The following DOCK8 variants were observed in gnomAD, a reference collection of about 807,000 sequenced individuals.
DOCK8 encodes the protein dedicator of cytokinesis 8.
A neutral mutation model predicts 245.6 loss-of-function variants in DOCK8; 141 were observed. The observed-to-expected ratio is 0.57, with a 90% CI of 0.50 to 0.66. The LOEUF is 0.66. Ranked by LOEUF, DOCK8 falls within the 30% of genes least tolerant of loss-of-function variation. The pLI, the probability that DOCK8 is intolerant of heterozygous loss-of-function variation, is 0.00. For synonymous variants in DOCK8, 1,168 were observed against 970.2 expected (o/e 1.20, Z -3.79); for missense variants, 2,965 against 2,603.4 (o/e 1.14, Z -3.02).
intron 33 of DOCK8, among the ~76,000 whole-genome samples, chr9:426,517 A>G (rs79864620): frequency 0.03 from 4,537 of 152,292 alleles, 88 homozygotes; most frequent in Middle Eastern, 0.048. Flanking sequence ...AGATCTAGCA[A>G]TGGTTTTCAT....
intron 1 of DOCK8, among the ~76,000 whole-genome samples, chr9:267,540 C>A (rs995193922): frequency 2.0e-5 from 3 of 152,176 alleles, no homozygotes; most frequent in Non-Finnish European, 2.9e-5. Context: ...ACTTACATAA[C>A]TTCACAGGAG....
chr9:257,543 CAG>C (rs1299000191), intron 1 of DOCK8, among the ~76,000 whole-genome samples: 5 of 152,010 alleles, frequency 3.3e-5, no homozygotes, highest in Non-Finnish European at 5.9e-5. Flanking sequence ...TTTTTTGAGA[CAG>C]AGTCTCACTC....
intron 14 of DOCK8, among the ~76,000 whole-genome samples, chr9:346,164 A>G (rs1388448183): frequency 6.6e-6 from 1 of 152,080 alleles, no homozygotes; most frequent in Non-Finnish European, 1.5e-5. Flanking sequence ...GAACAGCTGG[A>G]AAAACTGAGC....
chr9:248,761 G>C (rs988017026), intron 1 of DOCK8, among the ~76,000 whole-genome samples: 3 of 152,144 alleles, frequency 2.0e-5, no homozygotes, highest in African/African-American at 4.8e-5. Context: ...TAAGTACTTG[G>C]TGGGTTATTG....
chr9:344,223 A>G (rs1301494228), intron 14 of DOCK8, among the ~76,000 whole-genome samples: 1 of 152,144 alleles, frequency 6.6e-6, no homozygotes, highest in African/African-American at 2.4e-5. Context: ...CTCTTGGCTC[A>G]CAGTTCTTCT....
intron 35 of DOCK8, 96 bp from the exon 36 acceptor site, chr9:429,606 T>C: frequency 6.8e-7 from 1 of 1,469,852 alleles, no homozygotes; most frequent in Non-Finnish European, 9.5e-7. Flanking sequence ...CTTCTAGGCT[T>C]TTTGCTTGTC....
intron 1 of DOCK8, among the ~76,000 whole-genome samples, chr9:246,051 C>T (rs971369007): frequency 3.9e-5 from 6 of 152,132 alleles, no homozygotes; most frequent in Non-Finnish European, 7.3e-5. Flanking sequence ...GAAACCTAGT[C>T]TCTACTAAAA....
intron 1 of DOCK8, among the ~76,000 whole-genome samples, chr9:248,015 C>T (rs979845636): frequency 4.1e-5 from 6 of 147,854 alleles, no homozygotes; most frequent in Non-Finnish European, 5.9e-5. Context: ...GTTGAGTAAA[C>T]AAGCTGAGCA....
chr9:333,402 C>T (rs371468693), intron 10 of DOCK8, among the ~76,000 whole-genome samples: 401 of 152,240 alleles, frequency 2.6e-3, no homozygotes, highest in African/African-American at 6.7e-3. Flanking sequence ...AAGATTGAGA[C>T]CATCCTGGCC....
intron 46 of DOCK8, among the ~76,000 whole-genome samples, chr9:461,498 C>A (rs1200803474): frequency 6.9e-6 from 1 of 144,486 alleles, no homozygotes; most frequent in Non-Finnish European, 1.5e-5. Context: ...TTAACCTTTC[C>A]ATTGAGTTTT....
At chr9:349,235 T>G (rs1323257803) in intron 14 of DOCK8, among the ~76,000 whole-genome samples, 1 of 152,224 alleles carries the variant, frequency 6.6e-6, no homozygotes, top group Non-Finnish European at 1.5e-5. Context: ...ATTCATCAGA[T>G]GTCATGTGTC....
intron 1 of DOCK8, among the ~76,000 whole-genome samples, chr9:227,377 G>C (rs2047012987): frequency 6.6e-6 from 1 of 152,168 alleles, no homozygotes; most frequent in Non-Finnish European, 1.5e-5. Flanking sequence ...CCCGATGGGA[G>C]GATTTTACTT....
intron 11 of DOCK8, 33 bp downstream of exon 11, chr9:334,417 G>C (rs376121182): frequency 1.4e-5 from 23 of 1,607,346 alleles, no homozygotes; most frequent in Non-Finnish European, 1.8e-5. Context: ...GAAAGGGAGG[G>C]CTCCCCAGTG....
At chr9:219,896 C>A (rs663552) in intron 1 of DOCK8, among the ~76,000 whole-genome samples, 80,557 of 151,264 alleles carry the variant, frequency 0.53, 21,743 homozygotes, top group East Asian at 0.74. Context: ...GACTCTATTT[C>A]AAAAAAAAAG....
intron 4 of DOCK8, among the ~76,000 whole-genome samples, chr9:302,370 AT>A (rs1301121328): frequency 1.3e-5 from 2 of 152,238 alleles, no homozygotes; most frequent in Non-Finnish European, 2.9e-5. Context: ...AAGGACTTAA[AT>A]GTAAGACCTA....
chr9:455,990 A>G (rs889481907), intron 46 of DOCK8, among the ~76,000 whole-genome samples: 1 of 152,196 alleles, frequency 6.6e-6, no homozygotes, highest in African/African-American at 2.4e-5. Flanking sequence ...AAGTCCCAAT[A>G]TCAGTAGGAC....
intron 14 of DOCK8, among the ~76,000 whole-genome samples, chr9:358,435 A>G (rs2052554484): frequency 6.6e-6 from 1 of 152,244 alleles, no homozygotes; most frequent in Admixed American, 6.5e-5. Context: ...TATAGAGGTT[A>G]TATAACAAGG....
In DOCK8 at chr9:215,038, C is replaced by T. The variant is rs765664430; in HGVS notation, c.53+9C>T. On this transcript the variant is annotated intron_variant, in intron 1 of 47. Transcript: ENST00000432829. ...GCGCTCAAGATCAACAGGTAAGACG[C>T]CCCCCGCGGCGCGCAGGTTGCGGCC... is the stretch of plus-strand genomic sequence containing the variant. 3 of 1,572,922 alleles carry T rather than the reference C, an allele frequency of 1.9e-6. No homozygotes were observed. Among genetic ancestry groups the T allele is most frequent in the South Asian group, 2.3e-5 (2 of 87,414 alleles).
At chr9:294,200 A>G (rs2049162736) in intron 4 of DOCK8, among the ~76,000 whole-genome samples, 2 of 152,246 alleles carry the variant, frequency 1.3e-5, no homozygotes, top group South Asian at 4.1e-4. Flanking sequence ...CTGAAACTAA[A>G]TGACCATTTT....
Sources: gnomAD v4.1 joint callset for allele counts (sites outside exome capture counted in the v4.1 genomes callset) on GRCh38, gnomAD v4.1.1 for gene constraint, MANE v1.5 for transcripts, NCBI Gene and HGNC (gene_info 2026-07-23, HGNC 2026-07-21) for gene names.